The following FER1L5 variants were observed in gnomAD, a reference collection of about 807,000 sequenced individuals.
FER1L5 encodes the protein fer-1-like protein 5.
In FER1L5, 187 loss-of-function variants were observed where a neutral mutation model predicts 279.9. The ratio of observed to expected loss-of-function variants is 0.67; its 90% CI spans 0.59 to 0.75. The LOEUF (loss-of-function observed/expected upper bound fraction) is 0.75. Ranked by LOEUF, FER1L5 falls within the 30% of genes least tolerant of loss-of-function variation. FER1L5 has a pLI of 0.00. For missense variants in FER1L5, 2,091 were observed against 2,594.4 expected (o/e 0.81, Z 4.21); for synonymous variants, 921 against 989.7 (o/e 0.93, Z 1.30).
intron 19 of FER1L5, among the ~76,000 whole-genome samples, chr2:96,680,065 T>G (rs2076662226): frequency 6.6e-6 from 1 of 152,162 alleles, no homozygotes; most frequent in Admixed American, 6.5e-5. Flanking sequence ...GTCCCGCAGG[T>G]GGCTGCTGCT....
intron 7 of FER1L5, chr2:96,653,405 T>C: frequency 1.9e-6 from 1 of 524,098 alleles, no homozygotes; most frequent in Non-Finnish European, 3.4e-6. Context: ...AAACCCAGAA[T>C]GCTCCAGTGA....
At position 96,698,093 on chromosome 2, in the gene FER1L5, C is replaced by T. The variant is rs866282678; in HGVS notation, c.4293C>T (p.Cys1431=). 1 of 1,589,770 alleles carries T rather than the reference C, an allele frequency of 6.3e-7. No homozygotes were observed. The highest frequency in any genetic ancestry group is 1.8e-5 in the Admixed American group (1 of 56,440). ...CCTTCCAGGGCCTGCAGGACTTCTG[C>T]CAGACCTTCAAACTCTACCAGGAGC... ...VPAFQGLQDF[C]QTFKLYQEQP... is the part of the protein sequence containing the mutation. Residue 1431 remains cysteine, a synonymous_variant, in exon 40 of 53, where the codon TGC becomes TGT. Coordinates refer to ENST00000624922, the MANE Select transcript of FER1L5 (RefSeq NM_001293083.2). This position sits in a 1 kb window ranked among gnomAD's most constrained non-coding sequence, Gnocchi z 5.5.
chr2:96,693,457 C>T, intron 31 of FER1L5, 49 bp from the exon 32 acceptor site: 2 of 1,493,566 alleles, frequency 1.3e-6, no homozygotes, highest in East Asian at 2.5e-5. Flanking sequence ...GAGAGGAAAG[C>T]CCCTCTTCCC....
intron 1 of FER1L5, among the ~76,000 whole-genome samples, 200 bp from the exon 2 acceptor site, chr2:96,646,201 T>G (rs1189937405): frequency 6.6e-6 from 1 of 152,034 alleles, no homozygotes; most frequent in Non-Finnish European, 1.5e-5. Context: ...GGTTTCACCG[T>G]GTCAGCCAGG....
chr2:96,688,693 G>A (rs1485816344), intron 24 of FER1L5, among the ~76,000 whole-genome samples: 1 of 152,104 alleles, frequency 6.6e-6, no homozygotes, highest in Admixed American at 6.5e-5. Context: ...GGTCTTGGAG[G>A]CGCAGAGGTG....
At chr2:96,700,597 A>T (rs1558932663) in intron 45 of FER1L5, 126 bp downstream of exon 45, 4 of 1,268,910 alleles carry the variant, frequency 3.2e-6, no homozygotes, top group Non-Finnish European at 4.4e-6. Flanking sequence ...AGTAATGTAC[A>T]TGCACAGAAG....
At chr2:96,668,682 C>A in intron 14 of FER1L5, 69 bp from the exon 15 acceptor site, 1 of 1,536,318 alleles carries the variant, frequency 6.5e-7, no homozygotes, top group Non-Finnish European at 8.8e-7. Flanking sequence ...CCTACCTGTT[C>A]TTAAAATCTC....
chr2:96,693,418 C>T, intron 31 of FER1L5, 88 bp from the exon 32 acceptor site: 1 of 1,367,426 alleles, frequency 7.3e-7, no homozygotes, highest in Non-Finnish European at 9.8e-7. Context: ...TCCTGGGCCC[C>T]ACTGGGTCCA....
At chr2:96,697,611 GT>G (rs1377973797) in intron 38 of FER1L5, 35 bp downstream of exon 38, 1 of 1,613,868 alleles carries the variant, frequency 6.2e-7, no homozygotes, top group Non-Finnish European at 8.5e-7. Context: ...GTGCAGGGAG[GT>G]GGGGGGCTGC....
chr2:96,703,442 C>T, intron 50 of FER1L5, 81 bp from the exon 51 acceptor site: 1 of 1,606,196 alleles, frequency 6.2e-7, no homozygotes, highest in Non-Finnish European at 8.5e-7. Context: ...CTTTTCCTTT[C>T]TTGATCCCGG....
chr2:96,649,406 A>G (rs571447733), intron 4 of FER1L5, among the ~76,000 whole-genome samples: 2 of 151,980 alleles, frequency 1.3e-5, no homozygotes, highest in Non-Finnish European at 2.9e-5. Flanking sequence ...ATCTACAAAC[A>G]TCCCCTCCAC....
chr2:96,690,625 C>G, intron 27 of FER1L5, 36 bp downstream of exon 27: 1 of 1,521,556 alleles, frequency 6.6e-7, no homozygotes, highest in Non-Finnish European at 8.9e-7. Context: ...TCGGGAGAGA[C>G]CAGGGCCTCA....
chr2:96,645,087 C>T (rs1297085978), intron 1 of FER1L5, among the ~76,000 whole-genome samples: 2 of 152,220 alleles, frequency 1.3e-5, no homozygotes, highest in Non-Finnish European at 2.9e-5. Context: ...CACTAACCTG[C>T]ACCCCTTCCC....
intron 14 of FER1L5, among the ~76,000 whole-genome samples, chr2:96,664,814 T>A (rs778974759): frequency 6.6e-6 from 1 of 152,140 alleles, no homozygotes; most frequent in Non-Finnish European, 1.5e-5. Flanking sequence ...ACAAAACAAA[T>A]CCCTTTAAAG....
At chr2:96,703,677 A>G in intron 51 of FER1L5, 45 bp downstream of exon 51, 1 of 1,576,068 alleles carries the variant, frequency 6.3e-7, no homozygotes, top group African/African-American at 1.3e-5. Flanking sequence ...CTTGCTCCTC[A>G]GTGTGTATGG....
chr2:96,692,489 A>G (rs1458551498), intron 31 of FER1L5, among the ~76,000 whole-genome samples: 1 of 152,202 alleles, frequency 6.6e-6, no homozygotes, highest in Non-Finnish European at 1.5e-5. Context: ...GCGTGACCCC[A>G]GTGCTGTGGA....
rs895210757 is a variant in FER1L5 at position 96,679,661 on chromosome 2, A to G, written c.1670-4666A>G. Among the ~76,000 whole-genome samples the G allele has an allele frequency of 3.9e-5, 6 of 152,346 alleles. No individual in the cohort carries two copies. The South Asian group carries it at 6.2e-4, about 16-fold the overall frequency. The stretch of plus-strand genomic sequence containing the variant: ...TTCCTCATGTGTTTTCCTAGGTTAC[A>G]TGTTAAAATACTTACTCTGTTCCAT... On this transcript the variant is annotated intron_variant, in intron 19 of 52. Coordinates refer to ENST00000624922, the MANE Select transcript of FER1L5 (RefSeq NM_001293083.2).
chr2:96,673,222 C>A lies in FER1L5; in HGVS notation c.1637C>A (p.Ser546Ter). The part of the protein sequence containing the change: ...KMDLNYKPLV[S>*]STPYSPVIYD... ...GACCTGAATTACAAGCCTCTAGTCT[C>A]AAGCACACCGTACAGCCCAGTGATA... Residue 546 changes from serine to a stop codon, truncating the protein, a stop_gained, in exon 19 of 53, where the codon TCA becomes TAA. Transcript: ENST00000624922. LOFTEE classifies it high-confidence loss of function. The A allele has an allele frequency of 6.4e-7, 1 of 1,551,552 alleles. No homozygotes were observed. The highest frequency in any genetic ancestry group is 1.4e-5 in the African/African-American group (1 of 73,136).
chr2:96,689,386 GA>G lies in FER1L5; in HGVS notation c.2525+11del. 2 of 1,548,758 alleles carry G rather than the reference GA, an allele frequency of 1.3e-6. No individual in the cohort carries two copies. Among genetic ancestry groups the G allele is most frequent in the Non-Finnish European group, 8.7e-7 (1 of 1,146,320 alleles). Reference sequence around the variant, plus strand: ...TGGAACCTCAGAGAAGGTAAGGCCAGAGGGGGCAGGCCCCACCAGAGGGGAC... The same window carrying G: ...TGGAACCTCAGAGAAGGTAAGGCCAGGGGGGCAGGCCCCACCAGAGGGGAC... On this transcript the variant is annotated intron_variant, in intron 25 of 52. Coordinates refer to ENST00000624922, the MANE Select transcript of FER1L5 (RefSeq NM_001293083.2). The surrounding 1 kb of genome is among the most constrained non-coding windows in gnomAD (Gnocchi z 4.6).
Sources: gnomAD v4.1 joint callset for allele counts (sites outside exome capture counted in the v4.1 genomes callset) on GRCh38, gnomAD v4.1.1 for gene constraint, Gnocchi (gnomAD v3.1) non-coding constraint, MANE v1.5 for transcripts, NCBI Gene and HGNC (gene_info 2026-07-23, HGNC 2026-07-21) for gene names.